The following FAM118B variants were observed in gnomAD, a reference collection of about 807,000 sequenced individuals.
FAM118B encodes the protein protein FAM118B.
A neutral mutation model predicts 38.5 loss-of-function variants in FAM118B; 24 were observed. The observed-to-expected ratio is 0.62, with a 90% CI of 0.45 to 0.88. FAM118B has a LOEUF of 0.88. FAM118B is among the 40% of genes least tolerant of loss of function. The pLI is 0.00. For synonymous variants in FAM118B, 138 were observed against 156.3 expected, an observed-to-expected ratio of 0.88 and a Z score of 0.87; for missense variants, 334 against 420.0, an observed-to-expected ratio of 0.80 and a Z score of 1.79.
chr11:126,212,431 C>T (rs1187732703), intron 1 of FAM118B, among the ~76,000 whole-genome samples: 2 of 152,278 alleles, frequency 1.3e-5, no homozygotes, highest in Middle Eastern at 6.8e-3. Flanking sequence ...GCAACCACAC[C>T]ATACCTCCTC....
chr11:126,218,015 T>C (rs1458574149), intron 1 of FAM118B, among the ~76,000 whole-genome samples: 1 of 152,238 alleles, frequency 6.6e-6, no homozygotes, highest in Non-Finnish European at 1.5e-5. Context: ...CACCAGGGTA[T>C]GGGTCTTTTA....
intron 2 of FAM118B, among the ~76,000 whole-genome samples, chr11:126,232,732 T>C (rs935737741): frequency 1.3e-5 from 2 of 151,698 alleles, no homozygotes; most frequent in African/African-American, 4.8e-5. Flanking sequence ...TAAAAAAATA[T>C]ATTTTTTCCT....
chr11:126,248,504 G>A (rs2135193775), intron 4 of FAM118B, among the ~76,000 whole-genome samples: 1 of 151,206 alleles, frequency 6.6e-6, no homozygotes, highest in African/African-American at 2.4e-5. Context: ...CCGAGTAGCT[G>A]GCACTACAGG....
chr11:126,248,527 GC>G (rs1331379177), intron 4 of FAM118B, among the ~76,000 whole-genome samples: 1 of 151,492 alleles, frequency 6.6e-6, no homozygotes, highest in African/African-American at 2.4e-5. Context: ...CCACCACCAC[GC>G]CCAGCTAATT....
At chr11:126,236,917 CTT>C (rs34983028) in intron 3 of FAM118B, among the ~76,000 whole-genome samples, 4,410 of 68,438 alleles carry the variant, frequency 0.064, 120 homozygotes, top group East Asian at 0.23. Context: ...TTCACAGATG[CTT>C]TTTTTTTTTT....
intron 1 of FAM118B, among the ~76,000 whole-genome samples, chr11:126,222,974 G>A (rs770753736): frequency 1.3e-5 from 2 of 152,130 alleles, no homozygotes; most frequent in Non-Finnish European, 2.9e-5. Flanking sequence ...TTGGGGTAAA[G>A]GGAGTGGAAA....
At chr11:126,248,981 C>T (rs574543189) in intron 4 of FAM118B, among the ~76,000 whole-genome samples, 20 of 152,350 alleles carry the variant, frequency 1.3e-4, no homozygotes, top group African/African-American at 4.6e-4. Flanking sequence ...GCCAGTTTCC[C>T]ACCTGAAGTT....
At chr11:126,214,890 T>TG (rs1161210277) in intron 1 of FAM118B, among the ~76,000 whole-genome samples, 1 of 152,216 alleles carries the variant, frequency 6.6e-6, no homozygotes, top group Non-Finnish European at 1.5e-5. Context: ...TAAAGGAACT[T>TG]GCGTTTATCA....
In FAM118B at chr11:126,252,025, C is replaced by T. The variant is rs555810333; in HGVS notation, c.567+1292C>T. Among the ~76,000 whole-genome samples the T allele has an allele frequency of 6.6e-5, 10 of 151,858 alleles. No individual in the cohort carries two copies. The highest frequency in any genetic ancestry group is 1.0e-4 in the Non-Finnish European group (7 of 67,956). ...TTTTGAGATGGAGTTTTGCTCTTGT[C>T]GCCCAGGCTGAAGTGCAATGGCATG... On this transcript the variant is annotated intron_variant, in intron 5 of 8. Transcript: ENST00000533050. The surrounding 1 kb of genome is among the most constrained non-coding windows in gnomAD (Gnocchi z 4.7).
intron 3 of FAM118B, among the ~76,000 whole-genome samples, chr11:126,238,469 C>T (rs890709914): frequency 3.3e-5 from 5 of 152,140 alleles, no homozygotes; most frequent in African/African-American, 4.8e-5. Context: ...AAAGAGGAAT[C>T]GTCCTCATTT....
At position 126,235,059 on chromosome 11, in the gene FAM118B, G is replaced by C. The variant is rs770147473; in HGVS notation, c.58G>C (p.Asp20His). ...DIDEIFGFFN[D>H]GEPPTKKPRK... ...AGACGAGATTTTTGGATTCTTCAACGATGGCGAACCTCCCACCAAAAAGCC... is the reference window on the plus strand; with the variant it reads ...AGACGAGATTTTTGGATTCTTCAACCATGGCGAACCTCCCACCAAAAAGCC... Residue 20 changes from aspartate (D) to histidine (H), a missense_variant, in exon 3 of 9, where the codon GAT (aspartate) becomes CAT (histidine). This residue lies in a region of FAM118B where 240 missense variants were observed against 295.9 expected (regional missense o/e 0.81). Coordinates refer to ENST00000533050, the MANE Select transcript of FAM118B (RefSeq NM_024556.4). 1.2e-6 allele frequency: 2 copies of C among 1,614,070 alleles called. No individual in the cohort carries two copies. Among genetic ancestry groups the C allele is most frequent in the Non-Finnish European group, 1.7e-6 (2 of 1,180,000 alleles).
chr11:126,218,529 G>GT (rs1950012875), intron 1 of FAM118B, among the ~76,000 whole-genome samples: 2 of 151,128 alleles, frequency 1.3e-5, no homozygotes, highest in East Asian at 2.0e-4. Context: ...AGGGATTTTG[G>GT]GTTTTTTTTT....
intron 5 of FAM118B, among the ~76,000 whole-genome samples, chr11:126,251,314 T>C (rs1232737258): frequency 6.6e-6 from 1 of 152,214 alleles, no homozygotes; most frequent in Non-Finnish European, 1.5e-5. Context: ...TTTTGTAATG[T>C]TTTTTCCTAC....
At chr11:126,229,614 T>A (rs1950183857) in intron 2 of FAM118B, among the ~76,000 whole-genome samples, 1 of 152,108 alleles carries the variant, frequency 6.6e-6, no homozygotes, top group South Asian at 2.1e-4. Context: ...GGCTAAATTT[T>A]GTATTTTTAG....
intron 4 of FAM118B, among the ~76,000 whole-genome samples, chr11:126,248,649 C>T (rs572541894): frequency 1.3e-5 from 2 of 152,058 alleles, no homozygotes; most frequent in Admixed American, 6.6e-5. Flanking sequence ...GGATTACAGG[C>T]GTGAGCCAGC....
At chr11:126,223,291 A>G (rs565624973) in intron 1 of FAM118B, among the ~76,000 whole-genome samples, 1 of 152,228 alleles carries the variant, frequency 6.6e-6, no homozygotes, top group African/African-American at 2.4e-5. Flanking sequence ...ACTTAACCCA[A>G]TTTGTGTTTT....
intron 3 of FAM118B, 123 bp from the exon 4 acceptor site, chr11:126,240,669 T>G: frequency 1.0e-6 from 1 of 976,084 alleles, no homozygotes; most frequent in Admixed American, 2.4e-5. Context: ...TGTCAAAAAC[T>G]GCTGTTCATC....
chr11:126,242,165 T>C (rs4340064), intron 4 of FAM118B, among the ~76,000 whole-genome samples: 28,227 of 152,002 alleles, frequency 0.19, 2,939 homozygotes, highest in Non-Finnish European at 0.25. Flanking sequence ...AATACAGATT[T>C]AAAATTTCAT....
At chr11:126,239,521 A>G (rs1950328009) in intron 3 of FAM118B, among the ~76,000 whole-genome samples, 1 of 152,050 alleles carries the variant, frequency 6.6e-6, no homozygotes, top group Non-Finnish European at 1.5e-5. Flanking sequence ...AACATCTATT[A>G]TTAATGTCTT....
Sources: allele counts gnomAD v4.1 joint callset (sites outside exome capture counted in the v4.1 genomes callset), GRCh38; gene constraint gnomAD v4.1.1; regional missense constraint gnomAD v4.1.1; non-coding constraint Gnocchi (gnomAD v3.1); transcripts MANE v1.5; gene names NCBI Gene and HGNC (gene_info 2026-07-23, HGNC 2026-07-21).